Variants in CCDC150 observed in about 807,000 individuals in gnomAD.
The protein encoded by CCDC150 is coiled-coil domain containing 150.
A neutral mutation model predicts 156.5 loss-of-function variants in CCDC150; 151 were observed. That is an observed-to-expected ratio of 0.97 (90% confidence interval 0.85 to 1.10). The LOEUF is 1.10. Ranked by LOEUF, CCDC150 falls within the 50% of genes least tolerant of loss-of-function variation. The probability of loss-of-function intolerance (pLI) is 0.00; values close to 1 mark genes in which losing one functional copy is unlikely to be tolerated. For synonymous variants in CCDC150, 452 were observed against 429.4 expected, an observed-to-expected ratio of 1.05 and a Z score of -0.65; for missense variants, 1,312 against 1,268.1, an observed-to-expected ratio of 1.03 and a Z score of -0.53.
In CCDC150 at chr2:196,674,313, G is replaced by A. The variant is rs769768035; in HGVS notation, c.1102G>A (p.Ala368Thr). 2 of 1,603,252 alleles carry A rather than the reference G, an allele frequency of 1.2e-6. No individual in the cohort carries two copies. The highest frequency in any genetic ancestry group is 1.7e-5 in the Admixed American group (1 of 58,832). ...GCTTCAGACTGTTACTATGGAAAAA[G>A]CCAGAATCATTGCTGACCATCAGGC... ...CMLQTVTMEK[A>T]RIIADHQAIL... The change falls in exon 10 of 28, where the codon GCC (alanine) becomes ACC (threonine). Residue 368 changes from alanine (A) to threonine (T), a missense_variant. By Grantham distance (58) the Ala-to-Thr change is moderately conservative. Transcript: ENST00000389175.
chr2:196,643,412 C>T (rs1203521541), intron 1 of CCDC150, among the ~76,000 whole-genome samples: 1 of 149,694 alleles, frequency 6.7e-6, no homozygotes. Context: ...CATGTTGGAC[C>T]TTCTTTTTTT....
At chr2:196,698,529 C>T (rs1336586366) in intron 14 of CCDC150, among the ~76,000 whole-genome samples, 1 of 152,050 alleles carries the variant, frequency 6.6e-6, no homozygotes, top group East Asian at 1.9e-4. Context: ...AAAAAACTTT[C>T]CCCATTTCAA....
rs142032753 is a variant in CCDC150 at position 196,701,817 on chromosome 2, G to A, written c.1695+637G>A. Among the ~76,000 whole-genome samples the A allele has an allele frequency of 1.1e-4, 17 of 152,332 alleles. No individual in the cohort carries two copies. In the East Asian group the frequency reaches 3.3e-3, roughly 29 times the overall value. On this transcript the variant is annotated intron_variant, in intron 15 of 27. Coordinates refer to ENST00000389175, the MANE Select transcript of CCDC150 (RefSeq NM_001080539.2). The stretch of plus-strand genomic sequence containing the variant: ...GGATGGATAGAGGAAATGATAAATG[G>A]ATAGATACGTGATAAGCAAATAAAA...
intron 8 of CCDC150, 137 bp downstream of exon 8, chr2:196,670,013 A>T (rs1163340203): frequency 1.8e-6 from 1 of 551,506 alleles, no homozygotes; most frequent in African/African-American, 1.9e-5. Context: ...AATGAGTAGT[A>T]TATTTAGGAT....
chr2:196,701,831 A>G (rs1696232540), intron 15 of CCDC150, among the ~76,000 whole-genome samples: 1 of 152,260 alleles, frequency 6.6e-6, no homozygotes. Flanking sequence ...GATACGTGAT[A>G]AGCAAATAAA....
At chr2:196,721,199 G>C (rs1425526410) in intron 20 of CCDC150, among the ~76,000 whole-genome samples, 1 of 149,874 alleles carries the variant, frequency 6.7e-6, no homozygotes, top group Non-Finnish European at 1.5e-5. Flanking sequence ...GATCAGGAAG[G>C]GTAATTTAGT....
intron 14 of CCDC150, among the ~76,000 whole-genome samples, chr2:196,696,764 T>C (rs1029354665): frequency 2.0e-5 from 3 of 152,218 alleles, no homozygotes; most frequent in Admixed American, 6.5e-5. Flanking sequence ...ATTAAATCTA[T>C]TGTCATTCAA....
At chr2:196,683,658 G>C (rs371216789) in intron 13 of CCDC150, among the ~76,000 whole-genome samples, 105 of 152,038 alleles carry the variant, frequency 6.9e-4, no homozygotes, top group African/African-American at 2.4e-3. Context: ...GTATGTAGAA[G>C]GTTTTGTTTC....
At chr2:196,654,578 A>G (rs1010061647) in intron 2 of CCDC150, among the ~76,000 whole-genome samples, 13 of 151,924 alleles carry the variant, frequency 8.6e-5, no homozygotes, top group African/African-American at 2.4e-4. Flanking sequence ...TTCTTTGGCT[A>G]TATGATTTTT....
intron 15 of CCDC150, among the ~76,000 whole-genome samples, chr2:196,710,910 T>C (rs187589509): frequency 9.2e-5 from 14 of 152,258 alleles, no homozygotes; most frequent in African/African-American, 3.4e-4. Context: ...GATGATGGCA[T>C]ATATGTCTGA....
chr2:196,647,259 A>G (rs116833536), intron 2 of CCDC150, among the ~76,000 whole-genome samples: 2,560 of 152,192 alleles, frequency 0.017, 72 homozygotes, highest in African/African-American at 0.058. Context: ...TTCTAAAAAC[A>G]TGAATATATT....
intron 5 of CCDC150, among the ~76,000 whole-genome samples, chr2:196,660,203 A>G (rs1038210782): frequency 6.6e-6 from 1 of 152,148 alleles, no homozygotes; most frequent in African/African-American, 2.4e-5. Flanking sequence ...TTGTTTATCC[A>G]TTCACCTATT....
At chr2:196,703,027 A>G (rs1322543064) in intron 15 of CCDC150, among the ~76,000 whole-genome samples, 1 of 152,180 alleles carries the variant, frequency 6.6e-6, no homozygotes, top group African/African-American at 2.4e-5. Flanking sequence ...TTAACCCTTC[A>G]TGAGAGCAGA....
chr2:196,639,733 T>C lies in CCDC150; in HGVS notation c.-34T>C, dbSNP rs201743137. On this transcript the variant is annotated 5_prime_UTR_variant, in exon 1 of 28. Transcript: ENST00000389175. ...CTGTGTTAGTTCCACGGAAACCCGC[T>C]CGCCTGCTGCAGTACGGAGCCTCAG... The C allele has an allele frequency of 3.7e-5, 56 of 1,532,594 alleles. No individual in the cohort carries two copies. The East Asian group carries it at 7.2e-4, about 20-fold the overall frequency. The allele number at this position is 1,532,594 out of a possible 1,614,324, so 94.9% of individuals were successfully genotyped here. A position where few individuals can be genotyped will look rare whatever the true frequency, so the allele number is the denominator to read the frequency against.
chr2:196,669,991 A>G, intron 8 of CCDC150, 115 bp downstream of exon 8: 1 of 662,014 alleles, frequency 1.5e-6, no homozygotes, highest in South Asian at 2.9e-5. Context: ...TTTATTTAAA[A>G]AGTTTCATGT....
At chr2:196,648,351 C>T (rs1293013396) in intron 2 of CCDC150, among the ~76,000 whole-genome samples, 2 of 152,064 alleles carry the variant, frequency 1.3e-5, no homozygotes, top group African/African-American at 4.8e-5. Context: ...GAGGTTTTCT[C>T]ACCGTGGTTT....
In CCDC150 at chr2:196,729,397, G is replaced by C; in HGVS notation, c.2751+10G>C. 1 of 1,612,824 alleles carries C rather than the reference G, an allele frequency of 6.2e-7. No homozygotes were observed. The highest frequency in any genetic ancestry group is 8.5e-7 in the Non-Finnish European group (1 of 1,179,006). The stretch of plus-strand genomic sequence containing the variant: ...TATAGAAAGGATGAAGGTTGTATGG[G>C]AAACCTCTTCTCACTTCCTGGATAC... On this transcript the variant is annotated intron_variant, in intron 23 of 27. Coordinates refer to ENST00000389175, the MANE Select transcript of CCDC150 (RefSeq NM_001080539.2).
Position 196,712,293 on chromosome 2 carries a change from C to T in CCDC150, c.1803+41C>T, listed in dbSNP as rs557087845. 68 of 1,115,708 alleles carry T rather than the reference C, an allele frequency of 6.1e-5. No homozygotes were observed. In the East Asian group the frequency reaches 1.2e-3, roughly 19 times the overall value. The allele number at this position is 1,115,708 out of a possible 1,614,324, so 69.1% of individuals were successfully genotyped here. A position where few individuals can be genotyped will look rare whatever the true frequency, so the allele number is the denominator to read the frequency against. On this transcript the variant is annotated intron_variant, in intron 16 of 27. Coordinates refer to ENST00000389175, the MANE Select transcript of CCDC150 (RefSeq NM_001080539.2). ...ACAAAAGCGGATTGCTGCTATATTT[C>T]GTTTTTAAGAAATTGTTTGATGTCT...
rs1408674562 is a variant in CCDC150 at position 196,656,957 on chromosome 2, G to A, written c.398-1G>A. The stretch of plus-strand genomic sequence containing the variant: ...GATGCCCCTCCTGTGCGGTCTGGTA[G>A]CTTTTCTGAAAGATCGACTGAATGC... On this transcript the variant is annotated splice_acceptor_variant, in intron 3 of 27. Transcript: ENST00000389175. LOFTEE classifies it high-confidence loss of function. 1 of 1,613,118 alleles carries A rather than the reference G, an allele frequency of 6.2e-7. No homozygotes were observed. The highest frequency in any genetic ancestry group is 1.3e-5 in the African/African-American group (1 of 74,894).
Sources: allele counts gnomAD v4.1 joint callset (sites outside exome capture counted in the v4.1 genomes callset), GRCh38; gene constraint gnomAD v4.1.1; transcripts MANE v1.5; gene names NCBI Gene and HGNC (gene_info 2026-07-23, HGNC 2026-07-21).